STPG2: variants seen among roughly 807,000 people sequenced by gnomAD.
The protein encoded by STPG2 is sperm tail PG-rich repeat containing 2.
STPG2 carries 56 observed loss-of-function variants against 54.2 expected under a neutral mutation model. The observed-to-expected ratio is 1.03, with a 90% CI of 0.83 to 1.29. The LOEUF (loss-of-function observed/expected upper bound fraction) is 1.29, where lower values mean the gene tolerates loss of function less well. Among genes scored for constraint, STPG2 ranks in the 50% most tolerant of loss-of-function variants. The probability of loss-of-function intolerance (pLI) is 0.00; values close to 1 mark genes in which losing one functional copy is unlikely to be tolerated. For synonymous variants in STPG2, 200 were observed against 181.8 expected (o/e 1.10, Z -0.81); for missense variants, 596 against 544.9 (o/e 1.09, Z -0.93).
At position 97,912,129 on chromosome 4, in the gene STPG2, G is replaced by GA. The variant is rs570495188; in HGVS notation, c.1044+31767dup. Reference sequence around the variant, plus strand: ...CGGCCTGTTAGAAGAAAAACAGAAAGAAAAAAAAACACCCTACAAAAAAAA... The same window carrying GA: ...CGGCCTGTTAGAAGAAAAACAGAAAGAAAAAAAAAACACCCTACAAAAAAAA... On this transcript the variant is annotated intron_variant, in intron 8 of 10. Transcript: ENST00000295268. 2.0e-4 allele frequency among the ~76,000 whole-genome samples: 29 copies of GA among 145,822 alleles called. 1 individual carries two copies. The highest frequency in any genetic ancestry group is 1.3e-3 in the South Asian group (6 of 4,632).
intron 3 of STPG2, among the ~76,000 whole-genome samples, chr4:98,127,117 T>C (rs1367847331): frequency 6.6e-6 from 1 of 151,976 alleles, no homozygotes; most frequent in Non-Finnish European, 1.5e-5. Flanking sequence ...CATATATGAA[T>C]ATGTAATGAA....
chr4:97,560,621 C>G (rs1320315563), intron 10 of STPG2, among the ~76,000 whole-genome samples: 1 of 151,980 alleles, frequency 6.6e-6, no homozygotes, highest in Non-Finnish European at 1.5e-5. Flanking sequence ...CTCCATTTAC[C>G]AGAGAAGAGA....
At chr4:98,101,197 AGC>A (rs1739027153) in intron 5 of STPG2, among the ~76,000 whole-genome samples, 1 of 152,164 alleles carries the variant, frequency 6.6e-6, no homozygotes, top group African/African-American at 2.4e-5. Context: ...ATTTCTGTTC[AGC>A]TGCATTTAGG....
At chr4:97,537,434 G>A (rs767934101) in intron 4 of STPG2, among the ~76,000 whole-genome samples, 1 of 152,194 alleles carries the variant, frequency 6.6e-6, no homozygotes, top group Non-Finnish European at 1.5e-5. Context: ...CACCCTCAGA[G>A]CCTCCCTTGT....
chr4:97,868,748 ATC>A (rs1173931677), intron 8 of STPG2, among the ~76,000 whole-genome samples: 2 of 151,804 alleles, frequency 1.3e-5, no homozygotes, highest in African/African-American at 4.8e-5. Context: ...TATATCTGAG[ATC>A]TGTAAATCTC....
chr4:97,660,730 C>T (rs1722353069), intron 10 of STPG2, among the ~76,000 whole-genome samples: 1 of 151,876 alleles, frequency 6.6e-6, no homozygotes, highest in Non-Finnish European at 1.5e-5. Flanking sequence ...ATGTGATCCC[C>T]AAAAAACTTT....
intron 7 of STPG2, among the ~76,000 whole-genome samples, chr4:97,958,968 T>C (rs990594701): frequency 6.6e-6 from 1 of 152,142 alleles, no homozygotes; most frequent in Non-Finnish European, 1.5e-5. Flanking sequence ...GACCATATGA[T>C]AGGCCATGAA....
chr4:97,820,294 C>G (rs1002853892), intron 9 of STPG2, among the ~76,000 whole-genome samples: 8 of 152,102 alleles, frequency 5.3e-5, no homozygotes, highest in African/African-American at 1.9e-4. Context: ...TCCCTCCCCT[C>G]CAGCCTCTCT....
chr4:97,668,163 T>C (rs894432061), intron 10 of STPG2, among the ~76,000 whole-genome samples: 1 of 152,038 alleles, frequency 6.6e-6, no homozygotes, highest in Non-Finnish European at 1.5e-5. Flanking sequence ...CACTTAAGAA[T>C]AAGAAGAGTG....
intron 9 of STPG2, among the ~76,000 whole-genome samples, chr4:97,823,596 T>A (rs577884476): frequency 2.0e-5 from 3 of 152,204 alleles, no homozygotes; most frequent in Non-Finnish European, 4.4e-5. Flanking sequence ...ACTCTGTGGA[T>A]TCACCTTGAA....
intron 8 of STPG2, among the ~76,000 whole-genome samples, chr4:97,941,261 C>A (rs1432453121): frequency 2.0e-5 from 3 of 151,744 alleles, no homozygotes; most frequent in Admixed American, 6.6e-5. Context: ...TAGTTAGGAT[C>A]TTCTGAAAAT....
At chr4:97,464,127 C>T (rs994473184) in intron 4 of STPG2, among the ~76,000 whole-genome samples, 3 of 152,016 alleles carry the variant, frequency 2.0e-5, no homozygotes, top group East Asian at 1.9e-4. Flanking sequence ...TGGGTAAACA[C>T]CTAAGAACAC....
At chr4:97,854,627 C>A (rs560837084) in intron 8 of STPG2, among the ~76,000 whole-genome samples, 1 of 151,916 alleles carries the variant, frequency 6.6e-6, no homozygotes, top group Admixed American at 6.6e-5. Flanking sequence ...TAGCAAAATA[C>A]AAAATGGCAG....
chr4:97,967,454 C>A (rs1472229955), intron 7 of STPG2, among the ~76,000 whole-genome samples: 1 of 152,120 alleles, frequency 6.6e-6, no homozygotes, highest in Non-Finnish European at 1.5e-5. Flanking sequence ...ATCAATGAGA[C>A]AGAAGGTTAA....
At chr4:97,919,247 A>C (rs1301193487) in intron 8 of STPG2, among the ~76,000 whole-genome samples, 1 of 151,944 alleles carries the variant, frequency 6.6e-6, no homozygotes, top group Non-Finnish European at 1.5e-5. Flanking sequence ...AATCAAAAAG[A>C]AAAGAAGCTG....
chr4:98,093,651 G>C (rs1738756811), intron 5 of STPG2, among the ~76,000 whole-genome samples: 1 of 152,184 alleles, frequency 6.6e-6, no homozygotes, highest in Non-Finnish European at 1.5e-5. Flanking sequence ...ATTGAGGAAG[G>C]CAGGGGATAT....
chr4:97,442,771 T>C (rs1413663614), intron 4 of STPG2, among the ~76,000 whole-genome samples: 1 of 152,156 alleles, frequency 6.6e-6, no homozygotes, highest in East Asian at 1.9e-4. Flanking sequence ...CATAACATAT[T>C]CTTAGTTTCT....
chr4:98,116,456 A>G (rs1739528480), intron 3 of STPG2, among the ~76,000 whole-genome samples: 1 of 151,912 alleles, frequency 6.6e-6, no homozygotes, highest in African/African-American at 2.4e-5. Flanking sequence ...AGGACTAATA[A>G]CTATTAAGTG....
At chr4:98,064,558 C>A (rs2110101836) in intron 5 of STPG2, among the ~76,000 whole-genome samples, 1 of 152,304 alleles carries the variant, frequency 6.6e-6, no homozygotes, top group East Asian at 1.9e-4. Context: ...CCTTTTCCTG[C>A]ACATCATCTT....
Sources: gnomAD v4.1 joint callset for allele counts (sites outside exome capture counted in the v4.1 genomes callset) on GRCh38, gnomAD v4.1.1 for gene constraint, MANE v1.5 for transcripts, NCBI Gene and HGNC (gene_info 2026-07-23, HGNC 2026-07-21) for gene names.